MMP16: variants seen among roughly 807,000 people sequenced by gnomAD.
The protein encoded by MMP16 is matrix metalloproteinase-16.
MMP16 carries 12 observed loss-of-function variants against 67.8 expected under a neutral mutation model. The observed-to-expected ratio is 0.18, with a 90% CI of 0.11 to 0.29. MMP16 has a LOEUF of 0.29. Ranked by LOEUF, MMP16 falls within the 10% of genes least tolerant of loss-of-function variation. MMP16 has a pLI of 1.00. For missense variants in MMP16, 475 were observed against 765.7 expected (o/e 0.62, Z 4.48); for synonymous variants, 249 against 255.9 (o/e 0.97, Z 0.26).
At chr8:88,137,492 T>C (rs1808140825) in intron 4 of MMP16, among the ~76,000 whole-genome samples, 1 of 152,034 alleles carries the variant, frequency 6.6e-6, no homozygotes, top group African/African-American at 2.4e-5. Context: ...GCCTTCATTT[T>C]TTTGCCTCTT....
intron 1 of MMP16, among the ~76,000 whole-genome samples, chr8:88,320,466 G>T (rs1811441725): frequency 6.6e-6 from 1 of 152,062 alleles, no homozygotes; most frequent in South Asian, 2.1e-4. Flanking sequence ...AAAAATAAGA[G>T]AAATGTAAAG....
At position 88,188,723 on chromosome 8, in the gene MMP16, C is replaced by A. The variant is rs533383676; in HGVS notation, c.282-2125G>T. Among the ~76,000 whole-genome samples, 336 of 150,792 alleles carry A rather than the reference C, an allele frequency of 2.2e-3. 1 individual carries two copies. Among genetic ancestry groups the A allele is most frequent in the Non-Finnish European group, 2.5e-3 (172 of 67,868 alleles). On this transcript the variant is annotated intron_variant, in intron 2 of 9. Transcript: ENST00000286614. The stretch of plus-strand genomic sequence containing the variant: ...AGGCTGGAGTGCAATGGCACGATCT[C>A]GGCTTAACCACAACCTCCACCTCCC...
At chr8:88,206,031 T>C (rs1185361343) in intron 1 of MMP16, among the ~76,000 whole-genome samples, 1 of 152,118 alleles carries the variant, frequency 6.6e-6, no homozygotes, top group Non-Finnish European at 1.5e-5. Context: ...GAAACAATCA[T>C]TTTCCACAAG....
intron 8 of MMP16, among the ~76,000 whole-genome samples, chr8:88,048,006 G>T (rs903273864): frequency 6.6e-6 from 1 of 152,176 alleles, no homozygotes; most frequent in Non-Finnish European, 1.5e-5. Flanking sequence ...TGTGGGATGT[G>T]AAAGAGAAGG....
chr8:88,118,609 A>G (rs1809478462), intron 5 of MMP16, 91 bp downstream of exon 5: 14 of 1,185,414 alleles, frequency 1.2e-5, no homozygotes, highest in Non-Finnish European at 1.7e-5. Flanking sequence ...CATCTGTGTT[A>G]TACTTAGAGC....
intron 2 of MMP16, among the ~76,000 whole-genome samples, chr8:88,191,336 A>G (rs564459472): frequency 1.3e-5 from 2 of 152,278 alleles, no homozygotes; most frequent in African/African-American, 4.8e-5. Flanking sequence ...GGTTATTGTG[A>G]AGAATGAATT....
At chr8:88,056,905 C>G (rs774461973) in intron 7 of MMP16, among the ~76,000 whole-genome samples, 1 of 152,128 alleles carries the variant, frequency 6.6e-6, no homozygotes, top group Non-Finnish European at 1.5e-5. Flanking sequence ...TGGAGCATGG[C>G]ATGATGATAC....
At chr8:88,269,612 A>G (rs1810533872) in intron 1 of MMP16, among the ~76,000 whole-genome samples, 2 of 152,116 alleles carry the variant, frequency 1.3e-5, no homozygotes, top group African/African-American at 4.8e-5. Context: ...ACAACAGAAG[A>G]CTTCTTCCAT....
At chr8:88,185,970 T>C (rs1006006028) in intron 3 of MMP16, among the ~76,000 whole-genome samples, 1 of 152,162 alleles carries the variant, frequency 6.6e-6, no homozygotes, top group Non-Finnish European at 1.5e-5. Flanking sequence ...ACAAAATAAA[T>C]AAATGTGAAA....
At chr8:88,249,394 G>A (rs1042196551) in intron 1 of MMP16, among the ~76,000 whole-genome samples, 19 of 152,036 alleles carry the variant, frequency 1.2e-4, no homozygotes, top group African/African-American at 4.6e-4. Flanking sequence ...CTCATAAATG[G>A]TGAAAGGAAG....
intron 4 of MMP16, among the ~76,000 whole-genome samples, chr8:88,148,382 G>A (rs1290853804): frequency 6.6e-6 from 1 of 152,154 alleles, no homozygotes; most frequent in Non-Finnish European, 1.5e-5. Flanking sequence ...CAGTGTTAGT[G>A]ATCTTTGCTC....
At chr8:88,305,697 T>C (rs1292672313) in intron 1 of MMP16, among the ~76,000 whole-genome samples, 1 of 152,066 alleles carries the variant, frequency 6.6e-6, no homozygotes, top group Non-Finnish European at 1.5e-5. Flanking sequence ...TTGGGGTAAA[T>C]AACGAAATTA....
chr8:88,170,678 G>A (rs1299495761), intron 3 of MMP16, among the ~76,000 whole-genome samples: 1 of 152,140 alleles, frequency 6.6e-6, no homozygotes, highest in Non-Finnish European at 1.5e-5. Context: ...CAGATGGTGA[G>A]GGGGTGAGGA....
chr8:88,231,215 A>G (rs1003546402), intron 1 of MMP16, among the ~76,000 whole-genome samples: 1 of 152,200 alleles, frequency 6.6e-6, no homozygotes, highest in African/African-American at 2.4e-5. Flanking sequence ...AAAGACCAGA[A>G]AGAGTGAAGA....
chr8:88,148,939 A>C (rs2129640274), intron 4 of MMP16, among the ~76,000 whole-genome samples: 1 of 152,292 alleles, frequency 6.6e-6, no homozygotes, highest in South Asian at 2.1e-4. Context: ...CTGCATTTCC[A>C]TCTGAGGTAC....
intron 1 of MMP16, among the ~76,000 whole-genome samples, chr8:88,319,556 A>T (rs1368569139): frequency 2.0e-5 from 3 of 152,110 alleles, no homozygotes; most frequent in African/African-American, 7.2e-5. Context: ...ATTATTATAA[A>T]CAATGAGAAA....
chr8:88,216,254 C>T (rs1336758107), intron 1 of MMP16, among the ~76,000 whole-genome samples: 1 of 152,056 alleles, frequency 6.6e-6, no homozygotes, highest in African/African-American at 2.4e-5. Context: ...TTCTTCATGA[C>T]AGTTTTTTAA....
At chr8:88,170,364 T>C (rs1808779722) in intron 3 of MMP16, among the ~76,000 whole-genome samples, 2 of 152,330 alleles carry the variant, frequency 1.3e-5, no homozygotes, top group South Asian at 2.1e-4. Context: ...GCACAGACAT[T>C]TGTCTACCTT....
intron 1 of MMP16, among the ~76,000 whole-genome samples, chr8:88,210,470 T>C (rs573266462): frequency 6.6e-6 from 1 of 152,196 alleles, no homozygotes; most frequent in Non-Finnish European, 1.5e-5. Flanking sequence ...CACAATCAAC[T>C]GTACAAATCA....
Sources: allele counts gnomAD v4.1 joint callset (sites outside exome capture counted in the v4.1 genomes callset), GRCh38; gene constraint gnomAD v4.1.1; transcripts MANE v1.5; gene names NCBI Gene and HGNC (gene_info 2026-07-23, HGNC 2026-07-21).